MRPS11: variants seen among roughly 807,000 people sequenced by gnomAD.
MRPS11 encodes small ribosomal subunit protein uS11m.
Under a neutral mutation model 24.3 loss-of-function variants are expected in MRPS11, and 27 were observed. The observed-to-expected ratio is 1.11, with a 90% confidence interval of 0.82 to 1.53. MRPS11 has a LOEUF of 1.53. MRPS11 is among the 40% of genes most tolerant of loss of function. MRPS11 has a pLI of 0.00. For missense variants in MRPS11, 277 were observed against 256.5 expected, an observed-to-expected ratio of 1.08 and a Z score of -0.55; for synonymous variants, 104 against 98.7, an observed-to-expected ratio of 1.05 and a Z score of -0.32.
In MRPS11 at chr15:88,476,975, C is replaced by G. The variant is rs779507459; in HGVS notation, c.412-14C>G. On this transcript the variant is annotated splice_polypyrimidine_tract_variant and intron_variant, in intron 4 of 5. Transcript: ENST00000325844. ...TTCTCTCTCCGGGGCACTAACCACT[C>G]TGCTTCTCTCCAGAGAGCTAAACAA... The G allele has an allele frequency of 9.3e-6, 15 of 1,612,862 alleles. No homozygotes were observed. Among genetic ancestry groups the G allele is most frequent in the Non-Finnish European group, 1.3e-5 (15 of 1,179,596 alleles).
At chr15:88,473,999 A>G (rs1312046796) in intron 3 of MRPS11, among the ~76,000 whole-genome samples, 1 of 152,232 alleles carries the variant, frequency 6.6e-6, no homozygotes, top group African/African-American at 2.4e-5. Context: ...CAACATAGTG[A>G]GACCCAGTCT....
rs2055809507 is a variant in MRPS11, at chr15:88,475,774, T to C, written c.411+535T>C. On this transcript the variant is annotated intron_variant, in intron 4 of 5. Coordinates refer to ENST00000325844, the MANE Select transcript of MRPS11 (RefSeq NM_022839.5). This position sits in a 1 kb window ranked among gnomAD's most constrained non-coding sequence, Gnocchi z 4.1. ...GAGATCGAGACCATCCTGGCCAACA[T>C]GGTGAAACCCCATCTCTACTAAAAA... Among the ~76,000 whole-genome samples the C allele has an allele frequency of 6.6e-6, 1 of 152,044 alleles. No individual in the cohort carries two copies. Among genetic ancestry groups the C allele is most frequent in the Non-Finnish European group, 1.5e-5 (1 of 68,004 alleles).
In MRPS11 at chr15:88,477,511, C is replaced by T. The variant is rs1013193085; in HGVS notation, c.478-361C>T. Reference sequence around the variant, plus strand: ...TAATGAGGTATCAGGGAGGTGGAGGCACAGCAGGTACGGGGGGACATTGCA... The same window carrying T: ...TAATGAGGTATCAGGGAGGTGGAGGTACAGCAGGTACGGGGGGACATTGCA... On this transcript the variant is annotated intron_variant, in intron 5 of 5. Transcript: ENST00000325844. This position sits in a 1 kb window ranked among gnomAD's most constrained non-coding sequence, Gnocchi z 5.7. Among the ~76,000 whole-genome samples, 10 of 152,180 alleles carry T rather than the reference C, an allele frequency of 6.6e-5. No homozygotes were observed. The highest frequency in any genetic ancestry group is 1.0e-4 in the Non-Finnish European group (7 of 68,036).
In MRPS11 at chr15:88,478,716, G is replaced by C. The variant is rs1264879451; in HGVS notation, c.*737G>C. ...TGTACAAAACATGATTCTTGGCCAG[G>C]CACGGTGGCTCACACCTGTAACCCT... On this transcript the variant is annotated 3_prime_UTR_variant, in exon 6 of 6. Transcript: ENST00000325844. The surrounding 1 kb of genome is among the most constrained non-coding windows in gnomAD (Gnocchi z 4.7). 1 of 152,292 alleles carries C rather than the reference G, an allele frequency of 6.6e-6. No homozygotes were observed. Among genetic ancestry groups the C allele is most frequent in the Non-Finnish European group, 1.5e-5 (1 of 68,100 alleles). The allele number at this position is 152,292 out of a possible 1,614,324, so 9.4% of individuals were successfully genotyped here. A position where few individuals can be genotyped will look rare whatever the true frequency, so the allele number is the denominator to read the frequency against.
rs757556464 is a variant in MRPS11 at position 88,479,681 on chromosome 15, A to G, written c.*1702A>G. The G allele has an allele frequency of 3.9e-5, 6 of 152,236 alleles. No individual in the cohort carries two copies. The highest frequency in any genetic ancestry group is 7.3e-5 in the Non-Finnish European group (5 of 68,034). The allele number at this position is 152,236 out of a possible 1,614,324, so 9.4% of individuals were successfully genotyped here. ...GAAGGAATTAGACTGTTTCACCGCA[A>G]AACTACATATAAACACAATGCATTA... is the stretch of plus-strand genomic sequence containing the variant. On this transcript the variant is annotated 3_prime_UTR_variant, in exon 6 of 6. Coordinates refer to ENST00000325844, the MANE Select transcript of MRPS11 (RefSeq NM_022839.5).
Position 88,467,965 on chromosome 15 carries a change from A to C in MRPS11, c.123A>C (p.Gln41His). The C allele has an allele frequency of 1.9e-6, 3 of 1,612,806 alleles. 1 individual carries two copies. The South Asian group carries it at 3.3e-5, about 18-fold the overall frequency. The change falls in exon 2 of 6, where the codon CAA becomes CAC. Residue 41 changes from glutamine to histidine, a missense_variant. Transcript: ENST00000325844. The part of the protein sequence containing the change: ...GTICTGARQL[Q>H]DAAAKQKVEQ... ...TCTGCACAGGCGCTCGACAGCTCCA[A>C]GACGCTGCGGCCAAGCAGAAAGTTG...
chr15:88,467,831 C>T (rs1019621598), intron 1 of MRPS11, 49 bp downstream of exon 1: 1 of 1,613,256 alleles, frequency 6.2e-7, no homozygotes, highest in Non-Finnish European at 8.5e-7. Flanking sequence ...CAGGACTATG[C>T]TCCTACTCGT....
At chr15:88,474,950 C>T (rs2055789712) in intron 3 of MRPS11, 160 bp from the exon 4 acceptor site, 8 of 786,390 alleles carry the variant, frequency 1.0e-5, no homozygotes, top group Non-Finnish European at 1.6e-5. Context: ...TTTCCTGATA[C>T]TTCCTGTAGG....
chr15:88,480,325 C>T lies in MRPS11; in HGVS notation c.*2346C>T, dbSNP rs946995802. 2 of 152,190 alleles carry T rather than the reference C, an allele frequency of 1.3e-5. No homozygotes were observed. The highest frequency in any genetic ancestry group is 4.8e-5 in the African/African-American group (2 of 41,440). 9.4% of individuals were successfully genotyped at this position (152,190 alleles called of 1,614,324 possible). A position where few individuals can be genotyped will look rare whatever the true frequency, so the allele number is the denominator to read the frequency against. On this transcript the variant is annotated 3_prime_UTR_variant, in exon 6 of 6. Transcript: ENST00000325844. The surrounding 1 kb of genome is among the most constrained non-coding windows in gnomAD (Gnocchi z 5.1). ...AAACTCCTGGGCTCAAGTGATCCTC[C>T]AGCTTCAGCCTCCTGTGAGCATCTG...
At position 88,478,072 on chromosome 15, in the gene MRPS11, T is replaced by A. The variant is rs1188006379; in HGVS notation, c.*93T>A. ...CCTGTCAGAGCTCTCCAGAATATGC[T>A]TGTTGGAGATCCTTCAGGCAGTAAG... On this transcript the variant is annotated 3_prime_UTR_variant, in exon 6 of 6. Transcript: ENST00000325844. This position sits in a 1 kb window ranked among gnomAD's most constrained non-coding sequence, Gnocchi z 4.7. 1.0e-6 allele frequency: 1 copy of A among 1,004,036 alleles called. No homozygotes were observed. The highest frequency in any genetic ancestry group is 1.6e-5 in the African/African-American group (1 of 62,646). The allele number at this position is 1,004,036 out of a possible 1,614,324, so 62.2% of individuals were successfully genotyped here. A position where few individuals can be genotyped will look rare whatever the true frequency, so the allele number is the denominator to read the frequency against.
rs2142203535 is a variant in MRPS11, at chr15:88,467,996, A to G, written c.154A>G (p.Asn52Asp). 3.7e-6 allele frequency: 6 copies of G among 1,607,920 alleles called. No individual in the cohort carries two copies. The highest frequency in any genetic ancestry group is 5.1e-6 in the Non-Finnish European group (6 of 1,177,580). ...DAAAKQKVEQ[N>D]AAPSHTKFSI... ...TGCGGCCAAGCAGAAAGTTGAACAGAACGCGGCTCCCAGCCACACCAAGTT... is the reference window on the plus strand; with the variant it reads ...TGCGGCCAAGCAGAAAGTTGAACAGGACGCGGCTCCCAGCCACACCAAGTT... The change falls in exon 2 of 6, where the codon AAC becomes GAC. Residue 52 changes from asparagine (N) to aspartate (D), a missense_variant. By Grantham distance (23) the Asn-to-Asp change is conservative. Coordinates refer to ENST00000325844, the MANE Select transcript of MRPS11 (RefSeq NM_022839.5).
rs2055867430 is a variant in MRPS11, at chr15:88,478,383, C to T, written c.*404C>T. On this transcript the variant is annotated 3_prime_UTR_variant, in exon 6 of 6. Transcript: ENST00000325844. The surrounding 1 kb of genome is among the most constrained non-coding windows in gnomAD (Gnocchi z 4.7). ...AAATATAAATGTGAGTTGCTATTTA[C>T]CAGACACTTCTGGTTTCAGATATTT... 1 of 173,938 alleles carries T rather than the reference C, an allele frequency of 5.7e-6. No individual in the cohort carries two copies. The highest frequency in any genetic ancestry group is 1.2e-5 in the Non-Finnish European group (1 of 82,414). The allele number at this position is 173,938 out of a possible 1,614,324, so 10.8% of individuals were successfully genotyped here.
chr15:88,476,618 A>G (rs1184900164), intron 4 of MRPS11: 1 of 178,424 alleles, frequency 5.6e-6, no homozygotes, highest in African/African-American at 2.4e-5. Flanking sequence ...CTGCTTAGAG[A>G]TTTTAAATGA....
Position 88,468,036 on chromosome 15 carries a change from T to G in MRPS11, c.182+12T>G, listed in dbSNP as rs1427944917. The G allele has an allele frequency of 1.3e-6, 2 of 1,594,964 alleles. No homozygotes were observed. Among genetic ancestry groups the G allele is most frequent in the South Asian group, 1.1e-5 (1 of 88,426 alleles). ...CACACCAAGTTCAGGTGAGCCCCAC[T>G]TGGACCAGCCCTCTGGAGACCCGCA... On this transcript the variant is annotated intron_variant, in intron 2 of 5. Coordinates refer to ENST00000325844, the MANE Select transcript of MRPS11 (RefSeq NM_022839.5).
chr15:88,471,537 AGCACAGCTTGG>A lies in MRPS11; in HGVS notation c.183-1089_183-1079del, dbSNP rs547541931. ...GATTGTGTGTGTTCAAATTTTAAAA[AGCACAGCTTGG>A]TGAGCAAAGCTCTAGACTGAGACAG... On this transcript the variant is annotated intron_variant, in intron 2 of 5. Coordinates refer to ENST00000325844, the MANE Select transcript of MRPS11 (RefSeq NM_022839.5). 1.1e-3 allele frequency among the ~76,000 whole-genome samples: 162 copies of A among 152,354 alleles called. 1 individual carries two copies. In the South Asian group the frequency reaches 0.028, roughly 26 times the overall value.
Position 88,467,764 on chromosome 15 carries a change from C to T in MRPS11, c.47C>T (p.Thr16Ile). Residue 16 changes from threonine (T) to isoleucine (I), a missense_variant, in exon 1 of 6, where the codon ACT (threonine) becomes ATT (isoleucine). Physicochemically the swap from Thr to Ile is moderately conservative, Grantham distance 89. Transcript: ENST00000325844. ...GGGTCGCGGTTCCTGCGGTCCTGGACTTGGCCCCAGACAGCCGGGTAACAA... is the reference window on the plus strand; with the variant it reads ...GGGTCGCGGTTCCTGCGGTCCTGGATTTGGCCCCAGACAGCCGGGTAACAA... ...NAGSRFLRSWTWPQTAGRVVA... is the reference protein window; with the variant it reads ...NAGSRFLRSWIWPQTAGRVVA... 1 of 1,614,098 alleles carries T rather than the reference C, an allele frequency of 6.2e-7. No homozygotes were observed. Among genetic ancestry groups the T allele is most frequent in the African/African-American group, 1.3e-5 (1 of 75,038 alleles).
At position 88,476,999 on chromosome 15, in the gene MRPS11, A is replaced by C; in HGVS notation, c.422A>C (p.Gln141Pro). The change falls in exon 5 of 6, where the codon CAA (glutamine) becomes CCA (proline). Residue 141 changes from glutamine (Q) to proline (P), a missense_variant. Coordinates refer to ENST00000325844, the MANE Select transcript of MRPS11 (RefSeq NM_022839.5). ...TCTGCTTCTCTCCAGAGAGCTAAAC[A>C]AAAGGGCGTGATCCACATCCGAGTT... ...AGIAAAARAKQKGVIHIRVVV... is the reference protein window; with the variant it reads ...AGIAAAARAKPKGVIHIRVVV... 1 of 1,614,010 alleles carries C rather than the reference A, an allele frequency of 6.2e-7. No homozygotes were observed. Among genetic ancestry groups the C allele is most frequent in the South Asian group, 1.1e-5 (1 of 90,972 alleles).
intron 4 of MRPS11, 146 bp from the exon 5 acceptor site, chr15:88,476,843 A>G (rs573520435): frequency 2.8e-6 from 2 of 708,788 alleles, no homozygotes; most frequent in Non-Finnish European, 4.8e-6. Context: ...GTCCTCCACT[A>G]TAGCCATCTG....
At chr15:88,476,003 T>G (rs2055814786) in intron 4 of MRPS11, among the ~76,000 whole-genome samples, 2 of 152,084 alleles carry the variant, frequency 1.3e-5, no homozygotes, top group Non-Finnish European at 1.5e-5. Flanking sequence ...TTGGGAGAGA[T>G]ATGATAGTCT....
Sources: allele counts gnomAD v4.1 joint callset (sites outside exome capture counted in the v4.1 genomes callset), GRCh38; gene constraint gnomAD v4.1.1; non-coding constraint Gnocchi (gnomAD v3.1); transcripts MANE v1.5; gene names NCBI Gene and HGNC (gene_info 2026-07-23, HGNC 2026-07-21).